Variants in PLEKHH1 observed in about 807,000 individuals in gnomAD.
PLEKHH1 encodes the protein pleckstrin homology domain-containing family H member 1.
In PLEKHH1, 104 loss-of-function variants were observed where a neutral mutation model predicts 160.0. That is an observed-to-expected ratio of 0.65 (90% CI 0.55 to 0.76). The LOEUF (loss-of-function observed/expected upper bound fraction) is 0.76. Among genes scored for constraint, PLEKHH1 ranks in the 30% least tolerant of loss-of-function variants. The pLI is 0.00. For missense variants in PLEKHH1, 1,427 were observed against 1,724.1 expected (o/e 0.83, Z 3.05); for synonymous variants, 619 against 678.4 (o/e 0.91, Z 1.36).
Position 67,581,256 on chromosome 14 carries a change from G to A in PLEKHH1, c.3284+218G>A, listed in dbSNP as rs76027443. Among the ~76,000 whole-genome samples, 21,520 of 146,656 alleles carry A rather than the reference G, an allele frequency of 0.15. 1,940 individuals carry two copies. Among genetic ancestry groups the A allele is most frequent in the South Asian group, 0.25 (1,111 of 4,486 alleles). On this transcript the variant is annotated intron_variant, in intron 23 of 28. Coordinates refer to ENST00000329153, the MANE Select transcript of PLEKHH1 (RefSeq NM_020715.3). ...CTTCTGTCAGCCTTCCCTATACTGC[G>A]TGTGCGTGTGTGTATATGCACACAC...
At chr14:67,579,080 C>T (rs2035764333) in intron 20 of PLEKHH1, 54 bp from the exon 21 acceptor site, 6 of 1,334,946 alleles carry the variant, frequency 4.5e-6, no homozygotes, top group Middle Eastern at 1.8e-4. Flanking sequence ...TCCGGGGTGC[C>T]AAAGTGGCAG....
Position 67,573,687 on chromosome 14 carries a change from G to A in PLEKHH1, c.1840-114G>A, listed in dbSNP as rs2035490349. ...TCACCCATCATAACACAGCCAGAATGCTGGGAATCATGTTTCCCTTTGCTT... is the reference window on the plus strand; with the variant it reads ...TCACCCATCATAACACAGCCAGAATACTGGGAATCATGTTTCCCTTTGCTT... On this transcript the variant is annotated intron_variant, in intron 12 of 28. Coordinates refer to ENST00000329153, the MANE Select transcript of PLEKHH1 (RefSeq NM_020715.3). This position sits in a 1 kb window ranked among gnomAD's most constrained non-coding sequence, Gnocchi z 4.8. 1.3e-6 allele frequency: 1 copy of A among 766,094 alleles called. No homozygotes were observed. The highest frequency in any genetic ancestry group is 1.7e-5 in the African/African-American group (1 of 58,528). 47.5% of individuals were successfully genotyped at this position (766,094 alleles called of 1,614,324 possible).
At chr14:67,572,317 T>A in intron 11 of PLEKHH1, 40 bp downstream of exon 11, 1 of 1,521,300 alleles carries the variant, frequency 6.6e-7, no homozygotes, top group African/African-American at 1.4e-5. Context: ...GGAAGCAGAA[T>A]GCAGCAGAGG....
At position 67,586,485 on chromosome 14, in the gene PLEKHH1, T is replaced by A. The variant is rs906166119; in HGVS notation, c.3933+388T>A. 5 of 1,095,450 alleles carry A rather than the reference T, an allele frequency of 4.6e-6. No homozygotes were observed. In the African/African-American group the frequency reaches 8.0e-5, roughly 18 times the overall value. 67.9% of individuals were successfully genotyped at this position (1,095,450 alleles called of 1,614,324 possible). A position where few individuals can be genotyped will look rare whatever the true frequency, so the allele number is the denominator to read the frequency against. On this transcript the variant is annotated intron_variant, in intron 28 of 28. Coordinates refer to ENST00000329153, the MANE Select transcript of PLEKHH1 (RefSeq NM_020715.3). ...CTCGCATGTTACCCCTGGGTTCTGCTGACCCAACATTAGCTACAAAGTGGG... is the reference window on the plus strand; with the variant it reads ...CTCGCATGTTACCCCTGGGTTCTGCAGACCCAACATTAGCTACAAAGTGGG...
chr14:67,579,928 G>A (rs576952663), intron 22 of PLEKHH1, 52 bp downstream of exon 22: 68 of 1,521,690 alleles, frequency 4.5e-5, no homozygotes, highest in South Asian at 1.2e-5. Flanking sequence ...AGGGATATTG[G>A]TGGTGGGGAA....
At chr14:67,581,837 TG>T (rs1271823419) in intron 23 of PLEKHH1, 5 of 497,920 alleles carry the variant, frequency 1.0e-5, no homozygotes, top group Non-Finnish European at 1.8e-5. Flanking sequence ...GTAAGCTTAA[TG>T]GTATCTTCAG....
At position 67,571,795 on chromosome 14, in the gene PLEKHH1, C is replaced by T; in HGVS notation, c.1478C>T (p.Ser493Phe). The T allele has an allele frequency of 6.2e-7, 1 of 1,613,970 alleles. No homozygotes were observed. The highest frequency in any genetic ancestry group is 8.5e-7 in the Non-Finnish European group (1 of 1,179,860). Residue 493 changes from serine (S) to phenylalanine (F), a missense_variant, in exon 10 of 29, where the codon TCT becomes TTT. By Grantham distance (155) the Ser-to-Phe change is radical. Coordinates refer to ENST00000329153, the MANE Select transcript of PLEKHH1 (RefSeq NM_020715.3). ...AACATGCCCTTTATGGACGAGTCCT[C>T]TGGGTCTGACGATGACTGCAGCTCT... ...ISNMPFMDES[S>F]GSDDDCSSQA...
intron 4 of PLEKHH1, 78 bp downstream of exon 4, chr14:67,557,496 C>T (rs1234978693): frequency 2.5e-5 from 35 of 1,382,078 alleles, no homozygotes; most frequent in East Asian, 6.9e-5. Flanking sequence ...TGAGCTGTTC[C>T]GCTCAAGCCC....
chr14:67,565,220 T>C (rs2035033270), intron 7 of PLEKHH1, among the ~76,000 whole-genome samples: 1 of 151,862 alleles, frequency 6.6e-6, no homozygotes, highest in Non-Finnish European at 1.5e-5. Context: ...GGTCATGTAG[T>C]AGTTAGTGAG....
intron 2 of PLEKHH1, among the ~76,000 whole-genome samples, chr14:67,544,855 G>C (rs909250909): frequency 6.6e-6 from 1 of 152,212 alleles, no homozygotes; most frequent in Non-Finnish European, 1.5e-5. Flanking sequence ...TACAGCAGTT[G>C]AGACCTGGAT....
In PLEKHH1 at chr14:67,546,674, G is replaced by A. The variant is rs946430078; in HGVS notation, c.126+4681G>A. 4.6e-5 allele frequency among the ~76,000 whole-genome samples: 7 copies of A among 152,310 alleles called. No homozygotes were observed. The East Asian group carries it at 1.2e-3, about 25-fold the overall frequency. Reference sequence around the variant, plus strand: ...CAAAGTGCTGGGATTGCAGGCGTGAGCCACCGTGCCCAGGCAGCAGACACA... The same window carrying A: ...CAAAGTGCTGGGATTGCAGGCGTGAACCACCGTGCCCAGGCAGCAGACACA... On this transcript the variant is annotated intron_variant, in intron 2 of 28. Coordinates refer to ENST00000329153, the MANE Select transcript of PLEKHH1 (RefSeq NM_020715.3).
chr14:67,552,100 TTCA>T (rs2034414900), intron 2 of PLEKHH1, among the ~76,000 whole-genome samples: 1 of 152,210 alleles, frequency 6.6e-6, no homozygotes, highest in Non-Finnish European at 1.5e-5. Flanking sequence ...CCAAGTGCAC[TTCA>T]TCAGGTTGCT....
intron 1 of PLEKHH1, among the ~76,000 whole-genome samples, chr14:67,535,598 T>C (rs1344464695): frequency 1.3e-5 from 2 of 152,080 alleles, no homozygotes; most frequent in Non-Finnish European, 2.9e-5. Context: ...GCCAGTCTGG[T>C]TGAACTCCTG....
intron 2 of PLEKHH1, among the ~76,000 whole-genome samples, chr14:67,555,617 C>T (rs1326515114): frequency 1.3e-5 from 2 of 152,166 alleles, no homozygotes; most frequent in South Asian, 2.1e-4. Flanking sequence ...ACAGCAGCCA[C>T]GGGCTCTTCA....
intron 5 of PLEKHH1, 72 bp downstream of exon 5, chr14:67,559,763 G>C (rs2034750938): frequency 1.2e-5 from 12 of 960,238 alleles, no homozygotes; most frequent in Non-Finnish European, 2.0e-5. Context: ...GGAGTTTCCT[G>C]CCCCCTACTG....
At chr14:67,561,676 TG>T (rs1403282267) in intron 5 of PLEKHH1, among the ~76,000 whole-genome samples, 1 of 151,994 alleles carries the variant, frequency 6.6e-6, no homozygotes, top group Non-Finnish European at 1.5e-5. Context: ...GGGACCAGCC[TG>T]GGCAACATAG....
At chr14:67,586,168 T>G (rs764015153) in intron 28 of PLEKHH1, 71 bp downstream of exon 28, 1 of 1,541,966 alleles carries the variant, frequency 6.5e-7, no homozygotes, top group Non-Finnish European at 8.9e-7. Context: ...GAAAGGAAAC[T>G]GGGGTTATGC....
intron 1 of PLEKHH1, among the ~76,000 whole-genome samples, chr14:67,536,993 T>C (rs1594735768): frequency 6.7e-6 from 1 of 150,150 alleles, no homozygotes; most frequent in Non-Finnish European, 1.5e-5. Flanking sequence ...TGAGCCGAGA[T>C]TGCACCATTG....
chr14:67,569,281 G>T, intron 8 of PLEKHH1, 65 bp downstream of exon 8: 2 of 1,170,874 alleles, frequency 1.7e-6, no homozygotes, highest in Non-Finnish European at 2.6e-6. Flanking sequence ...CAAGCGGGGA[G>T]GAGAAGACTC....
Sources: gnomAD v4.1 joint callset for allele counts (sites outside exome capture counted in the v4.1 genomes callset) on GRCh38, gnomAD v4.1.1 for gene constraint, Gnocchi (gnomAD v3.1) non-coding constraint, MANE v1.5 for transcripts, NCBI Gene and HGNC (gene_info 2026-07-23, HGNC 2026-07-21) for gene names.